The following RCOR3 variants were observed in gnomAD, a reference collection of about 807,000 sequenced individuals.
RCOR3 encodes the protein REST corepressor 3.
RCOR3 carries 13 observed loss-of-function variants against 64.1 expected under a neutral mutation model. That is an observed-to-expected ratio of 0.20 (90% CI 0.13 to 0.32). RCOR3 has a LOEUF of 0.32. RCOR3 is among the 10% of genes least tolerant of loss of function. The pLI is 1.00. For missense variants in RCOR3, 489 were observed against 701.2 expected (o/e 0.70, Z 3.42); for synonymous variants, 215 against 239.0 (o/e 0.90, Z 0.93).
At chr1:211,259,943 C>T in intron 1 of RCOR3, 165 bp from the exon 2 acceptor site, 1 of 1,364,812 alleles carries the variant, frequency 7.3e-7, no homozygotes. Context: ...CGCTCCCCGC[C>T]CCCAATCCGC....
chr1:211,294,871 G>A (rs1204785330), intron 8 of RCOR3, among the ~76,000 whole-genome samples: 1 of 151,884 alleles, frequency 6.6e-6, no homozygotes, highest in Non-Finnish European at 1.5e-5. Context: ...TTACAGGCGT[G>A]AGCCACCGCA....
intron 7 of RCOR3, among the ~76,000 whole-genome samples, chr1:211,281,064 T>A (rs1031916328): frequency 6.6e-6 from 1 of 151,684 alleles, no homozygotes; most frequent in Non-Finnish European, 1.5e-5. Flanking sequence ...CACTTTTGAG[T>A]TTGCTTTAGT....
intron 7 of RCOR3, among the ~76,000 whole-genome samples, chr1:211,286,656 C>T (rs893665507): frequency 1.3e-5 from 2 of 152,050 alleles, no homozygotes; most frequent in African/African-American, 4.8e-5. Flanking sequence ...AAATTTTATC[C>T]TGCATATTTA....
chr1:211,278,124 A>G lies in RCOR3; in HGVS notation c.524A>G (p.Asp175Gly). 1 of 1,593,302 alleles carries G rather than the reference A, an allele frequency of 6.3e-7. No homozygotes were observed. The highest frequency in any genetic ancestry group is 1.1e-5 in the South Asian group (1 of 87,066). Reference protein sequence around the residue: ...SFHRIQQMLPDKTIASLVKYY... With the variant: ...SFHRIQQMLPGKTIASLVKYY... The stretch of plus-strand genomic sequence containing the variant: ...AACATGATTTTTTTTAAGCTTCCAG[A>G]TAAGACAATTGCAAGCCTTGTAAAA... Residue 175 changes from aspartate (D) to glycine (G), a missense_variant, in exon 6 of 12, where the codon GAT (aspartate) becomes GGT (glycine). Physicochemically the swap from Asp to Gly is moderately conservative, Grantham distance 94. This residue lies in a region of RCOR3 where 402 missense variants were observed against 617.0 expected (regional missense o/e 0.65). Coordinates refer to ENST00000419091, the MANE Select transcript of RCOR3 (RefSeq NM_001136223.3).
Position 211,314,439 on chromosome 1 carries a change from C to G in RCOR3, c.*671C>G, listed in dbSNP as rs1323049230. 1 of 152,000 alleles carries G rather than the reference C, an allele frequency of 6.6e-6. No homozygotes were observed. The highest frequency in any genetic ancestry group is 2.4e-5 in the African/African-American group (1 of 41,368). The allele number at this position is 152,000 out of a possible 1,614,324, so 9.4% of individuals were successfully genotyped here. ...CAAAGAATGTACTGAACCTACTAAC[C>G]CTTTAACATACAGTTTAGGGTCCTA... On this transcript the variant is annotated 3_prime_UTR_variant, in exon 12 of 12. Coordinates refer to ENST00000419091, the MANE Select transcript of RCOR3 (RefSeq NM_001136223.3).
At chr1:211,286,520 T>C (rs530517767) in intron 7 of RCOR3, among the ~76,000 whole-genome samples, 2 of 151,964 alleles carry the variant, frequency 1.3e-5, no homozygotes. Context: ...GGTTAGCCAG[T>C]ATGGTCTCGA....
Position 211,265,715 on chromosome 1 carries a change from C to T in RCOR3, c.224-5517C>T, listed in dbSNP as rs528725147. Among the ~76,000 whole-genome samples the T allele has an allele frequency of 1.4e-4, 22 of 152,190 alleles. No homozygotes were observed. In the South Asian group the frequency reaches 4.4e-3, roughly 30 times the overall value. On this transcript the variant is annotated intron_variant, in intron 2 of 11. Coordinates refer to ENST00000419091, the MANE Select transcript of RCOR3 (RefSeq NM_001136223.3). The stretch of plus-strand genomic sequence containing the variant: ...GCCTGGCGACAGAGCGAGACTCTGT[C>T]TCAAATAAATAAATAAAATAAAATA...
chr1:211,272,843 G>A (rs903136671), intron 3 of RCOR3, among the ~76,000 whole-genome samples: 2 of 151,154 alleles, frequency 1.3e-5, no homozygotes, highest in African/African-American at 2.4e-5. Flanking sequence ...GGATGGTCTC[G>A]ATCTCCTGAC....
intron 9 of RCOR3, among the ~76,000 whole-genome samples, chr1:211,297,400 A>G (rs1403311937): frequency 6.6e-6 from 1 of 152,172 alleles, no homozygotes; most frequent in Non-Finnish European, 1.5e-5. Context: ...TGACAGAACT[A>G]GTAAATAATG....
Position 211,279,218 on chromosome 1 carries a change from T to A in RCOR3, c.642-20T>A. The A allele has an allele frequency of 6.8e-7, 1 of 1,465,124 alleles. No individual in the cohort carries two copies. Among genetic ancestry groups the A allele is most frequent in the Non-Finnish European group, 9.4e-7 (1 of 1,065,730 alleles). The allele number at this position is 1,465,124 out of a possible 1,614,324, so 90.8% of individuals were successfully genotyped here. Reference sequence around the variant, plus strand: ...AAAAAAAAAAGGGAATTAAGTGTACTAATTTTTGTTTCTTCTCAGTGATGA... The same window carrying A: ...AAAAAAAAAAGGGAATTAAGTGTACAAATTTTTGTTTCTTCTCAGTGATGA... On this transcript the variant is annotated intron_variant, in intron 6 of 11. Coordinates refer to ENST00000419091, the MANE Select transcript of RCOR3 (RefSeq NM_001136223.3).
intron 8 of RCOR3, among the ~76,000 whole-genome samples, chr1:211,294,884 C>T (rs1193393134): frequency 3.3e-5 from 5 of 151,948 alleles, no homozygotes; most frequent in South Asian, 2.1e-4. Context: ...CCACCGCACC[C>T]AGCCTTTTTT....
chr1:211,306,317 A>G (rs147426694), intron 10 of RCOR3, among the ~76,000 whole-genome samples: 68 of 152,244 alleles, frequency 4.5e-4, no homozygotes, highest in African/African-American at 1.5e-3. Context: ...ACAGTTTACT[A>G]TCTACAAGTA....
chr1:211,313,026 G>A lies in RCOR3; in HGVS notation c.1317+65G>A, dbSNP rs1359143051. 2 of 1,607,806 alleles carry A rather than the reference G, an allele frequency of 1.2e-6. No homozygotes were observed. The highest frequency in any genetic ancestry group is 1.1e-5 in the South Asian group (1 of 90,622). ...GAATCACCATTTTGTGTGGTATTCT[G>A]TAAGGTTAATTTGTCAAGAGGACTA... On this transcript the variant is annotated intron_variant, in intron 11 of 11. Coordinates refer to ENST00000419091, the MANE Select transcript of RCOR3 (RefSeq NM_001136223.3). The surrounding 1 kb of genome is among the most constrained non-coding windows in gnomAD (Gnocchi z 4.7).
intron 3 of RCOR3, 199 bp downstream of exon 3, chr1:211,271,508 A>G: frequency 3.1e-6 from 2 of 643,632 alleles, no homozygotes; most frequent in Non-Finnish European, 5.7e-6. Context: ...TAGTGGGTTG[A>G]TCATTCCAAT....
chr1:211,264,540 A>C (rs1005861607), intron 2 of RCOR3, among the ~76,000 whole-genome samples: 1 of 152,076 alleles, frequency 6.6e-6, no homozygotes, highest in East Asian at 1.9e-4. Flanking sequence ...AAATTAGCCA[A>C]GTGTTGTGGC....
intron 10 of RCOR3, among the ~76,000 whole-genome samples, chr1:211,308,232 C>G (rs1213255493): frequency 6.6e-6 from 1 of 152,170 alleles, no homozygotes; most frequent in Non-Finnish European, 1.5e-5. Context: ...CCCTCTGATA[C>G]ACTTACATTA....
chr1:211,297,459 A>G (rs1320085763), intron 9 of RCOR3, among the ~76,000 whole-genome samples: 1 of 152,180 alleles, frequency 6.6e-6, no homozygotes, highest in Non-Finnish European at 1.5e-5. Context: ...GGACTTCTAT[A>G]TTAGTATATG....
chr1:211,272,142 T>A (rs1048614547), intron 3 of RCOR3, among the ~76,000 whole-genome samples: 4 of 152,240 alleles, frequency 2.6e-5, no homozygotes, highest in Admixed American at 2.6e-4. Flanking sequence ...GCTTACCTGA[T>A]AAATCTTTCT....
chr1:211,308,696 T>C (rs1316455867), intron 10 of RCOR3, among the ~76,000 whole-genome samples: 21 of 46,034 alleles, frequency 4.6e-4, no homozygotes, highest in African/African-American at 1.3e-3. Context: ...TTTTTTTTTT[T>C]TTTGTGTAGT....
Sources: gnomAD v4.1 joint callset for allele counts (sites outside exome capture counted in the v4.1 genomes callset) on GRCh38, gnomAD v4.1.1 for gene constraint, gnomAD v4.1.1 regional missense constraint, Gnocchi (gnomAD v3.1) non-coding constraint, MANE v1.5 for transcripts, NCBI Gene and HGNC (gene_info 2026-07-23, HGNC 2026-07-21) for gene names.